XKR9: variants seen among roughly 807,000 people sequenced by gnomAD.
The protein encoded by XKR9 is XK related 9, also known as XK-related protein 9.
Under a neutral mutation model 32.0 loss-of-function variants are expected in XKR9, and 32 were observed. The ratio of observed to expected loss-of-function variants is 1.00; its 90% confidence interval spans 0.76 to 1.34. The LOEUF is 1.34. Among genes scored for constraint, XKR9 ranks in the 40% most tolerant of loss-of-function variants. The probability of loss-of-function intolerance (pLI) is 0.00; values close to 1 mark genes in which losing one functional copy is unlikely to be tolerated. For synonymous variants in XKR9, 168 were observed against 143.4 expected (o/e 1.17, Z -1.22); for missense variants, 546 against 429.7 (o/e 1.27, Z -2.39).
At chr8:70,855,348 C>T in the XKR9 span, among the ~76,000 whole-genome samples, 25 of 152,036 alleles carry the variant, frequency 1.6e-4, no homozygotes, top group South Asian at 4.1e-4. Flanking sequence ...CCTCAGTAGC[C>T]GATTCAATCA....
At chr8:70,795,743 G>A in the XKR9 span, among the ~76,000 whole-genome samples, 2 of 151,074 alleles carry the variant, frequency 1.3e-5, no homozygotes, top group Non-Finnish European at 3.0e-5. Context: ...CTGATGTTGA[G>A]TTTTTTTTTC....
chr8:70,768,476 G>C (rs1450273641), intron 2 of XKR9, among the ~76,000 whole-genome samples: 1 of 152,268 alleles, frequency 6.6e-6, no homozygotes, highest in Non-Finnish European at 1.5e-5. Flanking sequence ...GAATATCCTT[G>C]TTAATTTTCT....
rs561098888 is a variant in XKR9 at position 70,680,998 on chromosome 8, C to G, written c.-61C>G. On this transcript the variant is annotated 5_prime_UTR_variant, in exon 3 of 5. Coordinates refer to ENST00000408926, the MANE Select transcript of XKR9 (RefSeq NM_001011720.2). ...AAAGGGTATACTAATATTTGTTTGG[C>G]TTTTTTTCCCTTTTTGTGAGGGAGA... 1 of 1,519,726 alleles carries G rather than the reference C, an allele frequency of 6.6e-7. No homozygotes were observed. The highest frequency in any genetic ancestry group is 2.3e-5 in the East Asian group (1 of 44,104). The allele number at this position is 1,519,726 out of a possible 1,614,324, so 94.1% of individuals were successfully genotyped here. A position where few individuals can be genotyped will look rare whatever the true frequency, so the allele number is the denominator to read the frequency against.
At chr8:70,926,168 A>G in the XKR9 span, among the ~76,000 whole-genome samples, 2 of 152,136 alleles carry the variant, frequency 1.3e-5, no homozygotes, top group Admixed American at 1.3e-4. Flanking sequence ...TCCACCTCCC[A>G]GGTTCAAGCG....
chr8:70,919,578 A>T, the XKR9 span, among the ~76,000 whole-genome samples: 1 of 152,216 alleles, frequency 6.6e-6, no homozygotes, highest in Admixed American at 6.5e-5. Flanking sequence ...GGTGACTTGC[A>T]TATGCCCTAG....
At chr8:70,986,792 ACTTTGT>A in the XKR9 span, among the ~76,000 whole-genome samples, 2 of 152,202 alleles carry the variant, frequency 1.3e-5, no homozygotes, top group Admixed American at 1.3e-4. Flanking sequence ...CTTTTGATAG[ACTTTGT>A]CTTTGTCCGT....
the XKR9 span, among the ~76,000 whole-genome samples, chr8:70,832,155 G>A: frequency 6.6e-6 from 1 of 152,080 alleles, no homozygotes; most frequent in Non-Finnish European, 1.5e-5. Context: ...TGAATACATT[G>A]CTCTACTCTT....
At chr8:70,798,270 C>T in the XKR9 span, among the ~76,000 whole-genome samples, 1 of 151,862 alleles carries the variant, frequency 6.6e-6, no homozygotes, top group Non-Finnish European at 1.5e-5. Context: ...GAGGTAGTAT[C>T]TCATTGTGGT....
chr8:70,683,417 G>T, intron 3 of XKR9: 1 of 366,272 alleles, frequency 2.7e-6, no homozygotes, highest in South Asian at 2.0e-5. Flanking sequence ...TTTTGTTTAT[G>T]TTTACCCATA....
At chr8:70,954,996 T>G in the XKR9 span, among the ~76,000 whole-genome samples, 1 of 152,212 alleles carries the variant, frequency 6.6e-6, no homozygotes, top group African/African-American at 2.4e-5. Context: ...GGAACTCTTC[T>G]CCATGGAATT....
intron 2 of XKR9, among the ~76,000 whole-genome samples, chr8:70,788,863 G>GT (rs2130265681): frequency 6.6e-6 from 1 of 152,178 alleles, no homozygotes; most frequent in South Asian, 2.1e-4. Flanking sequence ...GTGAGAGTGT[G>GT]TTGGGGCTAT....
At chr8:70,746,938 T>A (rs1807066937) in intron 2 of XKR9, among the ~76,000 whole-genome samples, 1 of 152,158 alleles carries the variant, frequency 6.6e-6, no homozygotes, top group Non-Finnish European at 1.5e-5. Context: ...CCTTTTGGAA[T>A]CCCCAGTGTT....
chr8:70,732,921 C>A (rs35062079), intron 4 of XKR9, among the ~76,000 whole-genome samples: 15 of 152,092 alleles, frequency 9.9e-5, no homozygotes, highest in African/African-American at 3.1e-4. Flanking sequence ...AGTTTGAGAC[C>A]AGCCTCGCCA....
At chr8:71,045,933 G>A in the XKR9 span, among the ~76,000 whole-genome samples, 3 of 152,130 alleles carry the variant, frequency 2.0e-5, no homozygotes, top group Non-Finnish European at 4.4e-5. Context: ...TGGGAGTCGG[G>A]AGGAGATGGA....
chr8:71,017,337 C>T, the XKR9 span, among the ~76,000 whole-genome samples: 5 of 152,296 alleles, frequency 3.3e-5, no homozygotes, highest in African/African-American at 7.2e-5. Flanking sequence ...CAGTTCACAA[C>T]AGTGAGTTAT....
At chr8:70,821,200 C>T in the XKR9 span, among the ~76,000 whole-genome samples, 1 of 152,196 alleles carries the variant, frequency 6.6e-6, no homozygotes, top group Non-Finnish European at 1.5e-5. Context: ...GTCTGAAATC[C>T]AATAGGGCAG....
At chr8:71,028,068 C>T in the XKR9 span, among the ~76,000 whole-genome samples, 13 of 152,182 alleles carry the variant, frequency 8.5e-5, no homozygotes. Flanking sequence ...GCCATGGCAA[C>T]AGGCCAGGAT....
the XKR9 span, among the ~76,000 whole-genome samples, chr8:70,872,614 C>T: frequency 5.8e-4 from 89 of 152,236 alleles, no homozygotes; most frequent in African/African-American, 2.1e-3. Context: ...TGCCTGGCTT[C>T]AAAGCTTCAA....
chr8:70,973,557 A>T, the XKR9 span, among the ~76,000 whole-genome samples: 1 of 151,922 alleles, frequency 6.6e-6, no homozygotes, highest in Admixed American at 6.6e-5. Context: ...TAGATTGCCT[A>T]TTTGTGCACT....
Sources: gnomAD v4.1 joint callset for allele counts (sites outside exome capture counted in the v4.1 genomes callset) on GRCh38, gnomAD v4.1.1 for gene constraint, MANE v1.5 for transcripts, NCBI Gene and HGNC (gene_info 2026-07-23, HGNC 2026-07-21) for gene names.